PIK3C2A: variants seen among roughly 807,000 people sequenced by gnomAD.
The protein encoded by PIK3C2A is phosphatidylinositol 4-phosphate 3-kinase C2 domain-containing subunit alpha.
Under a neutral mutation model 204.5 loss-of-function variants are expected in PIK3C2A, and 97 were observed. That is an observed-to-expected ratio of 0.47 (90% confidence interval 0.40 to 0.56). The LOEUF is 0.56. PIK3C2A is among the 20% of genes least tolerant of loss of function. The pLI is 0.00. For synonymous variants in PIK3C2A, 653 were observed against 664.4 expected (o/e 0.98, Z 0.26); for missense variants, 1,735 against 1,969.2 (o/e 0.88, Z 2.25).
At chr11:17,130,587 C>T (rs1849661257) in intron 12 of PIK3C2A, among the ~76,000 whole-genome samples, 1 of 151,762 alleles carries the variant, frequency 6.6e-6, no homozygotes, top group Non-Finnish European at 1.5e-5. Context: ...GGCGGATCAC[C>T]TGAGGTCAGG....
At chr11:17,182,606 T>C (rs1376523756) in intron 1 of PIK3C2A, among the ~76,000 whole-genome samples, 1 of 151,124 alleles carries the variant, frequency 6.6e-6, no homozygotes, top group Admixed American at 6.6e-5. Flanking sequence ...GGAAAGTTTA[T>C]CTTTTAGTGA....
At chr11:17,204,077 G>GA (rs879651411) in intron 1 of PIK3C2A, among the ~76,000 whole-genome samples, 1,179 of 117,822 alleles carry the variant, frequency 0.01, 20 homozygotes, top group African/African-American at 0.029. Flanking sequence ...CCGTCTCAAA[G>GA]AAAAAAAAAA....
chr11:17,197,777 T>A (rs1443631345), intron 1 of PIK3C2A, among the ~76,000 whole-genome samples: 1 of 152,178 alleles, frequency 6.6e-6, no homozygotes, highest in African/African-American at 2.4e-5. Context: ...AACTTTGACA[T>A]CACCCCAATT....
intron 23 of PIK3C2A, among the ~76,000 whole-genome samples, chr11:17,104,163 G>C (rs538873772): frequency 6.6e-6 from 1 of 152,078 alleles, no homozygotes; most frequent in Non-Finnish European, 1.5e-5. Context: ...GTCTTCCTTA[G>C]GCCAAGTTAG....
intron 2 of PIK3C2A, among the ~76,000 whole-genome samples, chr11:17,160,580 A>T (rs1850742182): frequency 6.6e-6 from 1 of 152,178 alleles, no homozygotes; most frequent in Admixed American, 6.5e-5. Flanking sequence ...CTGTAATCCT[A>T]GCACTTTGGG....
At chr11:17,167,039 T>C (rs1850981422) in intron 2 of PIK3C2A, among the ~76,000 whole-genome samples, 2 of 151,972 alleles carry the variant, frequency 1.3e-5, no homozygotes, top group Admixed American at 6.5e-5. Context: ...GGTACAATCA[T>C]GGGTCACAGC....
intron 1 of PIK3C2A, among the ~76,000 whole-genome samples, chr11:17,174,034 C>A (rs1342910220): frequency 6.6e-6 from 1 of 151,978 alleles, no homozygotes; most frequent in Non-Finnish European, 1.5e-5. Flanking sequence ...CCATGTTGGC[C>A]AGGCTGGTCT....
At chr11:17,184,523 T>C (rs1851687209) in intron 1 of PIK3C2A, among the ~76,000 whole-genome samples, 1 of 152,170 alleles carries the variant, frequency 6.6e-6, no homozygotes, top group Admixed American at 6.5e-5. Flanking sequence ...ATATAAAGTA[T>C]TTTTGTATAG....
chr11:17,121,321 T>C (rs1043930566), intron 15 of PIK3C2A, among the ~76,000 whole-genome samples: 16 of 151,582 alleles, frequency 1.1e-4, no homozygotes. Flanking sequence ...CTCACTATAT[T>C]GTCAGTGTTG....
chr11:17,206,106 C>T (rs1210816989), intron 1 of PIK3C2A, among the ~76,000 whole-genome samples: 3 of 152,126 alleles, frequency 2.0e-5, no homozygotes, highest in East Asian at 1.9e-4. Context: ...GGCGACAGAG[C>T]GAGATTCAAA....
chr11:17,207,297 G>A (rs1443933961), intron 1 of PIK3C2A, among the ~76,000 whole-genome samples: 2 of 152,292 alleles, frequency 1.3e-5, no homozygotes, highest in African/African-American at 4.8e-5. Context: ...CAAAGCAAGT[G>A]GATTCGCGGC....
intron 2 of PIK3C2A, among the ~76,000 whole-genome samples, chr11:17,156,909 T>C (rs983973530): frequency 3.9e-5 from 6 of 152,062 alleles, no homozygotes; most frequent in African/African-American, 1.4e-4. Context: ...GGAGGCTAAA[T>C]TAAGAGGGTC....
At chr11:17,145,816 CA>C in intron 7 of PIK3C2A, 46 bp downstream of exon 7, 1 of 1,578,538 alleles carries the variant, frequency 6.3e-7, no homozygotes, top group Non-Finnish European at 8.7e-7. Context: ...TATTTGCATC[CA>C]AAAACAAAGT....
intron 2 of PIK3C2A, among the ~76,000 whole-genome samples, chr11:17,157,520 A>T (rs2137454145): frequency 6.6e-6 from 1 of 152,198 alleles, no homozygotes; most frequent in East Asian, 1.9e-4. Context: ...TGGTCTGCAA[A>T]CATCGTTATA....
intron 22 of PIK3C2A, among the ~76,000 whole-genome samples, chr11:17,110,041 C>G (rs1848946566): frequency 6.6e-6 from 1 of 152,148 alleles, no homozygotes; most frequent in East Asian, 1.9e-4. Flanking sequence ...CAGCCTCCGC[C>G]TCCCAAGTTC....
At chr11:17,137,423 C>T (rs867099023) in intron 8 of PIK3C2A, among the ~76,000 whole-genome samples, 4 of 125,064 alleles carry the variant, frequency 3.2e-5, no homozygotes, top group Non-Finnish European at 4.9e-5. Flanking sequence ...ATTACTTTGC[C>T]TTTTTTTTTG....
At chr11:17,093,896 C>A (rs1017881902) in intron 28 of PIK3C2A, among the ~76,000 whole-genome samples, 2 of 152,126 alleles carry the variant, frequency 1.3e-5, no homozygotes, top group Non-Finnish European at 2.9e-5. Flanking sequence ...CTCGGCCTCC[C>A]AAAGTGCTGG....
intron 1 of PIK3C2A, among the ~76,000 whole-genome samples, chr11:17,179,588 T>G (rs568670345): frequency 6.6e-6 from 1 of 152,246 alleles, no homozygotes; most frequent in South Asian, 2.1e-4. Flanking sequence ...GTGTTCACAA[T>G]CAACCACATA....
rs563801739 is a variant in PIK3C2A at position 17,168,862 on chromosome 11, T to G, written c.880A>C (p.Asn294His). 2.0e-5 allele frequency: 33 copies of G among 1,614,130 alleles called. No homozygotes were observed. In the South Asian group the frequency reaches 3.4e-4, roughly 17 times the overall value. ...TCCTTTGCTAGCAAACTTGAAACAT[T>G]TTTCTCTTCCTCATGGTCTAATACC... ...VEVLDHEEEK[N>H]VSSLLAKDPW... is the part of the protein sequence containing the mutation. Residue 294 changes from asparagine to histidine, a missense_variant, in exon 2 of 33, where the codon AAT (asparagine) becomes CAT (histidine). Physicochemically the swap from Asn to His is moderately conservative, Grantham distance 68. Transcript: ENST00000691414.
Sources: allele counts gnomAD v4.1 joint callset (sites outside exome capture counted in the v4.1 genomes callset), GRCh38; gene constraint gnomAD v4.1.1; transcripts MANE v1.5; gene names NCBI Gene and HGNC (gene_info 2026-07-23, HGNC 2026-07-21).